Variants in AKNA observed in about 807,000 individuals in gnomAD.
AKNA encodes microtubule organization protein AKNA.
Under a neutral mutation model 138.8 loss-of-function variants are expected in AKNA, and 67 were observed. That is an observed-to-expected ratio of 0.48 (90% CI 0.40 to 0.59). The LOEUF is 0.59. Ranked by LOEUF, AKNA falls within the 20% of genes least tolerant of loss-of-function variation. The probability of loss-of-function intolerance (pLI) is 0.00; values close to 1 mark genes in which losing one functional copy is unlikely to be tolerated. For synonymous variants in AKNA, 737 were observed against 754.4 expected, an observed-to-expected ratio of 0.98 and a Z score of 0.38; for missense variants, 1,813 against 1,880.4, an observed-to-expected ratio of 0.96 and a Z score of 0.66.
chr9:114,364,451 G>A, intron 7 of AKNA, 109 bp downstream of exon 7: 3 of 1,148,440 alleles, frequency 2.6e-6, no homozygotes, highest in Non-Finnish European at 4.0e-6. Context: ...GAGACCCTGT[G>A]TCTGGGATTC....
chr9:114,349,059 G>A (rs1201672815), intron 15 of AKNA: 6 of 435,154 alleles, frequency 1.4e-5, no homozygotes, highest in Non-Finnish European at 2.8e-5. Flanking sequence ...GGAGACGCTT[G>A]CTGGTGTTTC....
Position 114,381,266 on chromosome 9 carries a change from C to T in AKNA, c.68G>A (p.Arg23His), listed in dbSNP as rs768800137. ...CCTCTTGTCCTCGGCCCAGGCCCAG[C>T]GCCGCCGCTGGGGGCCCTTCCCCAG... Reference protein sequence around the residue: ...PGLGKGPQRRRWAWAEDKRDV... With the variant: ...PGLGKGPQRRHWAWAEDKRDV... The change falls in exon 2 of 22, where the codon CGC (arginine) becomes CAC (histidine). Residue 23 changes from arginine to histidine, a missense_variant. Physicochemically the swap from Arg to His is conservative, Grantham distance 29. Transcript: ENST00000374088. The T allele has an allele frequency of 2.0e-5, 33 of 1,613,000 alleles. No homozygotes were observed. Among genetic ancestry groups the T allele is most frequent in the South Asian group, 1.4e-4 (13 of 90,902 alleles).
At chr9:114,350,586 G>A (rs185321420) in intron 15 of AKNA, among the ~76,000 whole-genome samples, 1 of 152,242 alleles carries the variant, frequency 6.6e-6, no homozygotes, top group African/African-American at 2.4e-5. Context: ...TCGGAAAAGA[G>A]ATGATGGAGA....
chr9:114,375,370 G>A (rs900854782), intron 3 of AKNA, among the ~76,000 whole-genome samples: 1 of 152,172 alleles, frequency 6.6e-6, no homozygotes, highest in African/African-American at 2.4e-5. Context: ...ATGCAAGAAA[G>A]AAAGAAAGAA....
chr9:114,356,194 G>A (rs1283082257), intron 13 of AKNA, 58 bp from the exon 14 acceptor site: 53 of 1,521,722 alleles, frequency 3.5e-5, no homozygotes, highest in East Asian at 2.3e-4. Flanking sequence ...ACACTCAGGC[G>A]GCAGCATCTG....
rs151126161 is a variant in AKNA, at chr9:114,361,639, G to T, written c.2124+65C>A. 184 of 1,556,880 alleles carry T rather than the reference G, an allele frequency of 1.2e-4. No homozygotes were observed. The East Asian group carries it at 3.9e-3, about 33-fold the overall frequency. On this transcript the variant is annotated intron_variant, in intron 9 of 21. Coordinates refer to ENST00000374088, the MANE Select transcript of AKNA (RefSeq NM_001317950.2). ...TCATAAATATGTAATACGTATTGAA[G>T]AAATGAATTAACGAAGAAATGAATG...
chr9:114,368,601 G>T lies in AKNA; in HGVS notation c.1417-6C>A. 7.3e-7 allele frequency: 1 copy of T among 1,369,596 alleles called. No homozygotes were observed. Among genetic ancestry groups the T allele is most frequent in the South Asian group, 2.2e-5 (1 of 46,328 alleles). 84.8% of individuals were successfully genotyped at this position (1,369,596 alleles called of 1,614,324 possible). A position where few individuals can be genotyped will look rare whatever the true frequency, so the allele number is the denominator to read the frequency against. On this transcript the variant is annotated splice_region_variant and splice_polypyrimidine_tract_variant and intron_variant, in intron 4 of 21. Transcript: ENST00000374088. ...GGGTCAGAGAACAGGTTCACCTGTG[G>T]AAGCAGGGAGGCACAGCACAGCCAA... is the stretch of plus-strand genomic sequence containing the variant.
In AKNA at chr9:114,377,243, C is replaced by T; in HGVS notation, c.564G>A (p.Glu188=). The change falls in exon 3 of 22, where the codon GAG becomes GAA. Residue 188 remains glutamate (E), a synonymous_variant. Transcript: ENST00000374088. ...GGCTGAGTTCAACGGATGGGTTGAC[C>T]TCGGAATGTTCAGAAAGTTTGTCCC... ...ASGDKLSEHS[E]VNPSVELSPA... 1 of 1,614,192 alleles carries T rather than the reference C, an allele frequency of 6.2e-7. No individual in the cohort carries two copies. Among genetic ancestry groups the T allele is most frequent in the Admixed American group, 1.7e-5 (1 of 60,016 alleles).
At chr9:114,342,199 T>G in intron 19 of AKNA, 74 bp from the exon 20 acceptor site, 1 of 1,112,772 alleles carries the variant, frequency 9.0e-7, no homozygotes. Flanking sequence ...ATGCAGGCCT[T>G]CTGCAGCACT....
intron 7 of AKNA, among the ~76,000 whole-genome samples, 185 bp downstream of exon 7, chr9:114,364,375 T>C (rs1832186383): frequency 6.6e-6 from 1 of 152,132 alleles, no homozygotes; most frequent in South Asian, 2.1e-4. Flanking sequence ...TGCTTAATAA[T>C]GGGTAACTAT....
At chr9:114,382,834 G>A (rs1460904329) in intron 1 of AKNA, among the ~76,000 whole-genome samples, 2 of 152,102 alleles carry the variant, frequency 1.3e-5, no homozygotes, top group African/African-American at 2.4e-5. Context: ...GGAGAGGAGA[G>A]CGGGCACTAA....
At chr9:114,375,884 T>C (rs942787076) in intron 3 of AKNA, 6 of 438,818 alleles carry the variant, frequency 1.4e-5, no homozygotes, top group Non-Finnish European at 2.3e-5. Context: ...CTTGGGTGTA[T>C]CTCAGGGCTC....
rs1829966778 is a variant in AKNA, at chr9:114,335,801, A to AG, written c.*1252dup. On this transcript the variant is annotated 3_prime_UTR_variant, in exon 22 of 22. Transcript: ENST00000374088. The stretch of plus-strand genomic sequence containing the variant: ...AAAAAAAAAAAAAGAAAAAGAAAAA[A>AG]GAAAAAAAAAAGAAAGAAAGGAGCA... 7.0e-6 allele frequency: 1 copy of AG among 143,362 alleles called. No individual in the cohort carries two copies. The highest frequency in any genetic ancestry group is 2.4e-5 in the African/African-American group (1 of 41,156). 8.9% of individuals were successfully genotyped at this position (143,362 alleles called of 1,614,324 possible).
Position 114,339,078 on chromosome 9 carries a change from G to A in AKNA, c.4068-1772C>T, listed in dbSNP as rs529332543. 2.0e-5 allele frequency among the ~76,000 whole-genome samples: 3 copies of A among 152,296 alleles called. No homozygotes were observed. In the South Asian group the frequency reaches 6.2e-4, roughly 32 times the overall value. On this transcript the variant is annotated intron_variant, in intron 21 of 21. Transcript: ENST00000374088. Reference sequence around the variant, plus strand: ...GATGGGGTTATGCCCCTATAAACCCGCTGTAAAGTCGAAAAATCATAAATC... The same window carrying A: ...GATGGGGTTATGCCCCTATAAACCCACTGTAAAGTCGAAAAATCATAAATC...
At position 114,347,756 on chromosome 9, in the gene AKNA, G is replaced by C; in HGVS notation, c.3366C>G (p.Asp1122Glu). 6.5e-7 allele frequency: 1 copy of C among 1,540,324 alleles called. No individual in the cohort carries two copies. The change falls in exon 16 of 22, where the codon GAC becomes GAG. Residue 1122 changes from aspartate to glutamate, a missense_variant. Coordinates refer to ENST00000374088, the MANE Select transcript of AKNA (RefSeq NM_001317950.2). ...RPARTRGRPADSPATWGSHYG... is the reference protein window; with the variant it reads ...RPARTRGRPAESPATWGSHYG... ...AATGGGAGCCCCAGGTGGCTGGGGA[G>C]TCTGCTGGCCGGCCGCGGGTCCGGG...
Position 114,341,693 on chromosome 9 carries a change from A to G in AKNA, c.3907T>C (p.Ser1303Pro), listed in dbSNP as rs2250242. 789,353 of 1,592,944 alleles carry G rather than the reference A, an allele frequency of 0.5. 202,433 individuals carry two copies. The highest frequency in any genetic ancestry group is 0.84 in the African/African-American group (62,214 of 73,676). The change falls in exon 21 of 22, where the codon TCT becomes CCT. Residue 1303 changes from serine (S) to proline (P), a missense_variant. Transcript: ENST00000374088. ...CTCTGCTTGGGGCTGGGAGTTGAAG[A>G]TGCTTTTCTCCTCGTGGTGGCCTTC... Reference protein sequence around the residue: ...AEKATTRRKASSTPSPKQRSK... With the variant: ...AEKATTRRKAPSTPSPKQRSK...
In AKNA at chr9:114,361,879, C is replaced by T; in HGVS notation, c.1949G>A (p.Ser650Asn). 6.2e-7 allele frequency: 1 copy of T among 1,606,142 alleles called. No individual in the cohort carries two copies. Among genetic ancestry groups the T allele is most frequent in the African/African-American group, 1.3e-5 (1 of 75,022 alleles). Residue 650 changes from serine (S) to asparagine (N), a missense_variant, in exon 9 of 22, where the codon AGC (serine) becomes AAC (asparagine). Ser to Asn is a conservative substitution (Grantham distance 46). Coordinates refer to ENST00000374088, the MANE Select transcript of AKNA (RefSeq NM_001317950.2). ...GTGTTCCTTCAGCTCTTCCAGGCAG[C>T]TTCCCAGACGGTATATCTCTGCCTC... ...ELEAEIYRLG[S>N]CLEELKEHID...
chr9:114,341,759 TCTGA>T (rs1830369976), intron 20 of AKNA, 34 bp from the exon 21 acceptor site: 2 of 1,531,230 alleles, frequency 1.3e-6, no homozygotes, highest in African/African-American at 2.8e-5. Context: ...AGAGACAGAG[TCTGA>T]CCACTTGGCA....
intron 14 of AKNA, among the ~76,000 whole-genome samples, chr9:114,352,321 G>A (rs1325348654): frequency 6.6e-6 from 1 of 152,218 alleles, no homozygotes; most frequent in Non-Finnish European, 1.5e-5. Flanking sequence ...TTAAAGGCCG[G>A]GCGTGGCGGC....
Sources: gnomAD v4.1 joint callset for allele counts (sites outside exome capture counted in the v4.1 genomes callset) on GRCh38, gnomAD v4.1.1 for gene constraint, MANE v1.5 for transcripts, NCBI Gene and HGNC (gene_info 2026-07-23, HGNC 2026-07-21) for gene names.